CDK14: variants seen among roughly 807,000 people sequenced by gnomAD.
The protein encoded by CDK14 is cyclin-dependent kinase 14.
Under a neutral mutation model 60.7 loss-of-function variants are expected in CDK14, and 34 were observed. The ratio of observed to expected loss-of-function variants is 0.56; its 90% CI spans 0.43 to 0.75. The LOEUF (loss-of-function observed/expected upper bound fraction) is 0.75. Ranked by LOEUF, CDK14 falls within the 30% of genes least tolerant of loss-of-function variation. The probability of loss-of-function intolerance (pLI) is 0.00; values close to 1 mark genes in which losing one functional copy is unlikely to be tolerated. For missense variants in CDK14, 482 were observed against 564.1 expected (o/e 0.85, Z 1.47); for synonymous variants, 197 against 203.7 (o/e 0.97, Z 0.28).
intron 4 of CDK14, among the ~76,000 whole-genome samples, chr7:90,771,039 C>T (rs566975854): frequency 6.6e-5 from 10 of 152,278 alleles, no homozygotes; most frequent in East Asian, 3.9e-4. Context: ...ATGTTATGTC[C>T]GCTTAGCAAG....
intron 10 of CDK14, among the ~76,000 whole-genome samples, chr7:91,023,212 A>G (rs1278782885): frequency 6.6e-6 from 1 of 152,168 alleles, no homozygotes. Context: ...AGACTTGTCC[A>G]TTAATCAGTA....
rs576641223 is a variant in CDK14, at chr7:91,128,800, C to G, written c.*28+10592C>G. Among the ~76,000 whole-genome samples, 42 of 152,148 alleles carry G rather than the reference C, an allele frequency of 2.8e-4. No homozygotes were observed. In the South Asian group the frequency reaches 8.7e-3, roughly 32 times the overall value. ...CTCATTGCCTACCCTTTTCTCCAGC[C>G]CCTCCTTTCAATTCCGCATTGCAGA... On this transcript the variant is annotated intron_variant, in intron 14 of 14. Coordinates refer to ENST00000380050, the MANE Select transcript of CDK14 (RefSeq NM_001287135.2).
intron 6 of CDK14, among the ~76,000 whole-genome samples, chr7:90,885,964 ACAATG>A (rs1272692676): frequency 6.6e-6 from 1 of 152,192 alleles, no homozygotes; most frequent in African/African-American, 2.4e-5. Context: ...GCAGCAAACC[ACAATG>A]GCATACATAT....
chr7:90,969,813 G>A (rs1019139675), intron 9 of CDK14, among the ~76,000 whole-genome samples: 4 of 151,562 alleles, frequency 2.6e-5, no homozygotes, highest in African/African-American at 9.7e-5. Context: ...CTCGGTGAAG[G>A]CATTTCCTAT....
intron 2 of CDK14, among the ~76,000 whole-genome samples, chr7:90,684,734 A>G (rs1019538887): frequency 6.6e-6 from 1 of 152,132 alleles, no homozygotes; most frequent in African/African-American, 2.4e-5. Context: ...TACATATTTT[A>G]AAACCATCAC....
intron 7 of CDK14, among the ~76,000 whole-genome samples, chr7:90,900,525 A>C (rs1382630362): frequency 6.6e-6 from 1 of 152,188 alleles, no homozygotes; most frequent in Non-Finnish European, 1.5e-5. Context: ...TAATTTTTTT[A>C]ACATTAAAAT....
chr7:90,958,875 T>C (rs146500055), intron 9 of CDK14, among the ~76,000 whole-genome samples: 8 of 152,098 alleles, frequency 5.3e-5, no homozygotes, highest in Admixed American at 5.2e-4. Flanking sequence ...GGTAGTTCAG[T>C]TAAGATTCTA....
At chr7:91,192,813 T>C (rs1284219709) in intron 14 of CDK14, among the ~76,000 whole-genome samples, 2 of 152,170 alleles carry the variant, frequency 1.3e-5, no homozygotes, top group Non-Finnish European at 2.9e-5. Context: ...TGAGGGATTG[T>C]ATTTAGGAAA....
At chr7:91,079,740 T>C (rs955619742) in intron 12 of CDK14, among the ~76,000 whole-genome samples, 1 of 152,224 alleles carries the variant, frequency 6.6e-6, no homozygotes, top group African/African-American at 2.4e-5. Context: ...TGGTCAGCCT[T>C]CTTGCAGCTA....
At chr7:90,792,962 A>T (rs1255526641) in intron 5 of CDK14, among the ~76,000 whole-genome samples, 1 of 152,110 alleles carries the variant, frequency 6.6e-6, no homozygotes, top group African/African-American at 2.4e-5. Context: ...CAAACATCCC[A>T]TTTCAGAGAG....
rs1800323264 is a variant in CDK14 at position 91,137,689 on chromosome 7, G to GT, written c.*28+19481_*28+19482insT. ...ATGAGCTCTACTTCTAAAGACTTGT[G>GT]GGGGGTGTGTGTGTGTGTGTGTGTG... is the stretch of plus-strand genomic sequence containing the variant. On this transcript the variant is annotated intron_variant, in intron 14 of 14. Coordinates refer to ENST00000380050, the MANE Select transcript of CDK14 (RefSeq NM_001287135.2). Among the ~76,000 whole-genome samples, 3 of 48,918 alleles carry GT rather than the reference G, an allele frequency of 6.1e-5. No individual in the cohort carries two copies. In the South Asian group the frequency reaches 1.5e-3, roughly 25 times the overall value. 32.1% of individuals were successfully genotyped at this position (48,918 alleles called of 152,430 possible).
At chr7:91,096,921 C>A (rs79571279) in intron 12 of CDK14, among the ~76,000 whole-genome samples, 1 of 152,046 alleles carries the variant, frequency 6.6e-6, no homozygotes, top group Non-Finnish European at 1.5e-5. Context: ...AAGTGAGAAT[C>A]AAAGTAAACA....
At chr7:90,780,218 C>G (rs1805250828) in intron 4 of CDK14, among the ~76,000 whole-genome samples, 3 of 152,060 alleles carry the variant, frequency 2.0e-5, no homozygotes, top group African/African-American at 7.2e-5. Flanking sequence ...TATAGAGAAA[C>G]TTCCTCAAAT....
intron 14 of CDK14, among the ~76,000 whole-genome samples, chr7:91,165,713 A>G (rs1161292510): frequency 1.3e-5 from 2 of 152,220 alleles, no homozygotes; most frequent in Non-Finnish European, 2.9e-5. Flanking sequence ...CATGCATAAC[A>G]TTTCTGAAAG....
At chr7:91,093,197 G>A (rs368662033) in intron 12 of CDK14, among the ~76,000 whole-genome samples, 7 of 152,136 alleles carry the variant, frequency 4.6e-5, no homozygotes, top group East Asian at 1.9e-4. Flanking sequence ...GGAAGTATTC[G>A]AGCATAAGGA....
chr7:91,165,955 A>G (rs955614070), intron 14 of CDK14, among the ~76,000 whole-genome samples: 2 of 152,216 alleles, frequency 1.3e-5, no homozygotes, highest in African/African-American at 2.4e-5. Flanking sequence ...TGGTTAGCAC[A>G]TGCATACTTT....
intron 2 of CDK14, among the ~76,000 whole-genome samples, chr7:90,688,572 G>C (rs1009864022): frequency 6.6e-6 from 1 of 152,112 alleles, no homozygotes; most frequent in African/African-American, 2.4e-5. Context: ...AGTAATTAAT[G>C]GGCAATGACA....
At chr7:91,157,146 T>A (rs1223007666) in intron 14 of CDK14, among the ~76,000 whole-genome samples, 1 of 152,020 alleles carries the variant, frequency 6.6e-6, no homozygotes, top group East Asian at 1.9e-4. Flanking sequence ...TCATATTTTC[T>A]CTTTCTCTAT....
chr7:91,106,592 A>C (rs2116331909), intron 12 of CDK14, among the ~76,000 whole-genome samples: 1 of 152,342 alleles, frequency 6.6e-6, no homozygotes, highest in East Asian at 1.9e-4. Context: ...AATATTAGAC[A>C]ATAATATGAT....
Sources: gnomAD v4.1 joint callset for allele counts (sites outside exome capture counted in the v4.1 genomes callset) on GRCh38, gnomAD v4.1.1 for gene constraint, MANE v1.5 for transcripts, NCBI Gene and HGNC (gene_info 2026-07-23, HGNC 2026-07-21) for gene names.